CCDC157: variants seen among roughly 807,000 people sequenced by gnomAD.
CCDC157 encodes coiled-coil domain containing 157.
Under a neutral mutation model 70.9 loss-of-function variants are expected in CCDC157, and 60 were observed. The ratio of observed to expected loss-of-function variants is 0.85; its 90% CI spans 0.69 to 1.05. The LOEUF is 1.05. Ranked by LOEUF, CCDC157 falls within the 50% of genes least tolerant of loss-of-function variation. The pLI, the probability that CCDC157 is intolerant of heterozygous loss-of-function variation, is 0.00. For synonymous variants in CCDC157, 373 were observed against 422.4 expected (o/e 0.88, Z 1.43); for missense variants, 943 against 984.2 (o/e 0.96, Z 0.56).
At chr22:30,358,894 A>C (rs1932138312) in intron 1 of CCDC157, among the ~76,000 whole-genome samples, 1 of 152,210 alleles carries the variant, frequency 6.6e-6, no homozygotes, top group Non-Finnish European at 1.5e-5. Context: ...CACTTGACAC[A>C]CACATAAAGT....
chr22:30,373,349 G>A, intron 7 of CCDC157: 1 of 523,318 alleles, frequency 1.9e-6, no homozygotes. Flanking sequence ...CCAGCCATCT[G>A]CGTTCCAAGG....
intron 1 of CCDC157, among the ~76,000 whole-genome samples, chr22:30,359,561 C>T (rs1932187405): frequency 6.6e-6 from 1 of 152,162 alleles, no homozygotes; most frequent in African/African-American, 2.4e-5. Context: ...AGCATCCAAC[C>T]CTCTGCACCG....
At chr22:30,370,303 C>A (rs1474346384) in intron 4 of CCDC157, 23 bp from the exon 5 acceptor site, 5 of 1,609,826 alleles carry the variant, frequency 3.1e-6, no homozygotes, top group Non-Finnish European at 4.2e-6. Flanking sequence ...CACCTGCTTT[C>A]CCTTGTCTTT....
At position 30,366,062 on chromosome 22, in the gene CCDC157, T is replaced by C; in HGVS notation, c.62T>C (p.Leu21Pro). ...AGCCTGCGCACAGACCTCACCGACC[T>C]GCAGGGTGCCATCGTAGACGTCTTC... ...MESLRTDLTD[L>P]QGAIVDVFSR... is the part of the protein sequence containing the mutation. Residue 21 changes from leucine (L) to proline (P), a missense_variant, in exon 3 of 12, where the codon CTG becomes CCG. Transcript: ENST00000338306. 6.2e-7 allele frequency: 1 copy of C among 1,608,246 alleles called. No individual in the cohort carries two copies. Among genetic ancestry groups the C allele is most frequent in the Non-Finnish European group, 8.5e-7 (1 of 1,179,846 alleles).
chr22:30,356,843 C>G, upstream of CCDC157: 1 of 1,279,426 alleles, frequency 7.8e-7, no homozygotes, highest in Non-Finnish European at 1.0e-6. Context: ...TGAGCGGTGC[C>G]GCCTCAAGAC....
chr22:30,356,923 G>A (rs1931910800), upstream of CCDC157: 1 of 758,380 alleles, frequency 1.3e-6, no homozygotes, highest in African/African-American at 1.8e-5. Context: ...GGCCGCGAAG[G>A]TACGACTGGC....
rs148283823 is a variant in CCDC157 at position 30,370,879 on chromosome 22, G to A, written c.974G>A (p.Arg325Gln). The change falls in exon 5 of 12, where the codon CGG (arginine) becomes CAG (glutamine). Residue 325 changes from arginine (R) to glutamine (Q), a missense_variant. By Grantham distance (43) the Arg-to-Gln change is conservative (BLOSUM62 1). Coordinates refer to ENST00000338306, the MANE Select transcript of CCDC157 (RefSeq NM_001017437.5). The part of the protein sequence containing the change: ...EQALKQEQGA[R>Q]RRQAEEDEQC... ...GCGCTGAAACAGGAGCAGGGGGCACGGCGGCGACAGGCGGAGGAGGATGAG... is the reference window on the plus strand; with the variant it reads ...GCGCTGAAACAGGAGCAGGGGGCACAGCGGCGACAGGCGGAGGAGGATGAG... The A allele has an allele frequency of 3.8e-4, 607 of 1,611,518 alleles. No individual in the cohort carries two copies. In the African/African-American group the frequency reaches 5.3e-3, roughly 14 times the overall value.
At chr22:30,362,940 A>C (rs918145711) in intron 2 of CCDC157, among the ~76,000 whole-genome samples, 1 of 152,174 alleles carries the variant, frequency 6.6e-6, no homozygotes, top group Non-Finnish European at 1.5e-5. Flanking sequence ...TGCTGGAGGC[A>C]GAAGGGGCCA....
intron 1 of CCDC157, among the ~76,000 whole-genome samples, chr22:30,358,688 TTC>T (rs1932117970): frequency 6.6e-6 from 1 of 152,240 alleles, no homozygotes; most frequent in South Asian, 2.1e-4. Flanking sequence ...GCTCCTGCTC[TTC>T]TCTGGGAGTC....
intron 2 of CCDC157, among the ~76,000 whole-genome samples, chr22:30,363,510 T>G (rs1014166927): frequency 6.6e-6 from 1 of 152,014 alleles, no homozygotes; most frequent in Non-Finnish European, 1.5e-5. Flanking sequence ...AATGTCCCCA[T>G]CTTACAGCTG....
intron 2 of CCDC157, among the ~76,000 whole-genome samples, chr22:30,363,745 A>G (rs1188464128): frequency 7.1e-6 from 1 of 140,880 alleles, no homozygotes; most frequent in Non-Finnish European, 1.5e-5. Context: ...CTGGAGTGCA[A>G]TGGCGCGATC....
At chr22:30,371,842 C>T in intron 6 of CCDC157, 115 bp downstream of exon 6, 2 of 1,007,014 alleles carry the variant, frequency 2.0e-6, no homozygotes, top group Non-Finnish European at 3.1e-6. Context: ...GGGAACCAGC[C>T]ACAGGAGGGT....
Position 30,378,248 on chromosome 22 carries a change from A to C in CCDC157, c.*1503A>C, listed in dbSNP as rs1270274477. The C allele has an allele frequency of 4.4e-6, 2 of 459,344 alleles. No homozygotes were observed. The highest frequency in any genetic ancestry group is 3.2e-5 in the South Asian group (2 of 63,280). The allele number at this position is 459,344 out of a possible 1,614,324, so 28.5% of individuals were successfully genotyped here. ...GCAGAAAACTACTTTGAATAGGCTCATGTGGTTAGGGCAAGGCTCACACTC... is the reference window on the plus strand; with the variant it reads ...GCAGAAAACTACTTTGAATAGGCTCCTGTGGTTAGGGCAAGGCTCACACTC... On this transcript the variant is annotated 3_prime_UTR_variant, in exon 12 of 12. Transcript: ENST00000338306.
chr22:30,373,691 C>T lies in CCDC157; in HGVS notation c.1430C>T (p.Ala477Val), dbSNP rs1482983501. The T allele has an allele frequency of 6.4e-7, 1 of 1,553,594 alleles. No individual in the cohort carries two copies. Among genetic ancestry groups the T allele is most frequent in the Admixed American group, 1.9e-5 (1 of 51,380 alleles). ...CGGGGCAGCCTGGACGAGGCTGAGG[C>T]CCAGCGGGCCCGCGTGGAGGAGCAG... ...ELRGSLDEAEAQRARVEEQLQ... is the reference protein window; with the variant it reads ...ELRGSLDEAEVQRARVEEQLQ... The change falls in exon 8 of 12, where the codon GCC becomes GTC. Residue 477 changes from alanine to valine, a missense_variant. Ala to Val is a moderately conservative substitution (Grantham distance 64). Transcript: ENST00000338306.
Position 30,375,451 on chromosome 22 carries a change from T to C in CCDC157, c.1673-28T>C, listed in dbSNP as rs1601749627. 3 of 1,612,664 alleles carry C rather than the reference T, an allele frequency of 1.9e-6. No homozygotes were observed. The East Asian group carries it at 6.7e-5, about 36-fold the overall frequency. On this transcript the variant is annotated intron_variant, in intron 9 of 11. Coordinates refer to ENST00000338306, the MANE Select transcript of CCDC157 (RefSeq NM_001017437.5). ...ACCTGCCCAAGCTGGTGTGCCTCCCTTCTAAGGTCCTGTCCCATTGGGCAC... is the reference window on the plus strand; with the variant it reads ...ACCTGCCCAAGCTGGTGTGCCTCCCCTCTAAGGTCCTGTCCCATTGGGCAC...
rs78307446 is a variant in CCDC157, at chr22:30,364,458, A to G, written c.-11-1532A>G. ...GTATTAAATAATCCTGAAACTATGT[A>G]CCCTGAAACTATGGACATCTATTAT... On this transcript the variant is annotated intron_variant, in intron 2 of 11. Transcript: ENST00000338306. Among the ~76,000 whole-genome samples the G allele has an allele frequency of 3.8e-3, 583 of 152,362 alleles. 26 individuals are homozygous for G. The East Asian group carries it at 0.096, about 25-fold the overall frequency.
chr22:30,369,683 G>T, intron 4 of CCDC157, 80 bp downstream of exon 4: 1 of 1,191,448 alleles, frequency 8.4e-7, no homozygotes, highest in Non-Finnish European at 1.1e-6. Context: ...CCTCGCCCCA[G>T]CTCTGGCTTC....
At chr22:30,365,951 G>C (rs740222) in intron 2 of CCDC157, 39 bp from the exon 3 acceptor site, 339,175 of 1,524,578 alleles carry the variant, frequency 0.22, 39,796 homozygotes, top group Middle Eastern at 0.27. Flanking sequence ...CAGCAGCCAC[G>C]TGGCTCTGGC....
intron 1 of CCDC157, among the ~76,000 whole-genome samples, chr22:30,357,575 A>C (rs1226210247): frequency 2.0e-5 from 3 of 148,400 alleles, no homozygotes; most frequent in Non-Finnish European, 4.5e-5. Flanking sequence ...CGCGATCTTG[A>C]CTCTCTGCAA....
Sources: gnomAD v4.1 joint callset for allele counts (sites outside exome capture counted in the v4.1 genomes callset) on GRCh38, gnomAD v4.1.1 for gene constraint, MANE v1.5 for transcripts, NCBI Gene and HGNC (gene_info 2026-07-23, HGNC 2026-07-21) for gene names.